The following TPH2 variants were observed in gnomAD, a reference collection of about 807,000 sequenced individuals.
TPH2 encodes tryptophan hydroxylase 2, also known as tryptophan 5-hydroxylase 2.
In TPH2, 27 loss-of-function variants were observed where a neutral mutation model predicts 59.1. That is an observed-to-expected ratio of 0.46 (90% CI 0.34 to 0.63). The LOEUF is 0.63. Ranked by LOEUF, TPH2 falls within the 30% of genes least tolerant of loss-of-function variation. The pLI, the probability that TPH2 is intolerant of heterozygous loss-of-function variation, is 0.01. For missense variants in TPH2, 523 were observed against 588.3 expected, an observed-to-expected ratio of 0.89 and a Z score of 1.15; for synonymous variants, 220 against 210.5, an observed-to-expected ratio of 1.05 and a Z score of -0.39.
chr12:71,999,720 C>T (rs1260104356), intron 8 of TPH2, among the ~76,000 whole-genome samples: 3 of 152,158 alleles, frequency 2.0e-5, no homozygotes, highest in Non-Finnish European at 4.4e-5. Context: ...TGCTAAAGGG[C>T]TTCAAATTCC....
At chr12:72,026,956 G>T (rs886285412) in intron 9 of TPH2, among the ~76,000 whole-genome samples, 2 of 152,004 alleles carry the variant, frequency 1.3e-5, no homozygotes, top group African/African-American at 4.8e-5. Context: ...TTGTTCTTTT[G>T]ATGTGGAAAA....
intron 7 of TPH2, among the ~76,000 whole-genome samples, chr12:71,986,353 AC>A (rs1228298354): frequency 6.6e-6 from 1 of 152,094 alleles, no homozygotes; most frequent in Non-Finnish European, 1.5e-5. Flanking sequence ...ACGTTCCTAG[AC>A]CTGGACTCCC....
chr12:72,016,605 T>C (rs1873261620), intron 8 of TPH2, among the ~76,000 whole-genome samples: 1 of 152,144 alleles, frequency 6.6e-6, no homozygotes, highest in Admixed American at 6.6e-5. Flanking sequence ...CTTTGATAAC[T>C]TCTTGCTTCC....
intron 1 of TPH2, among the ~76,000 whole-genome samples, chr12:71,940,403 G>A (rs1292859211): frequency 6.6e-6 from 1 of 152,054 alleles, no homozygotes; most frequent in Non-Finnish European, 1.5e-5. Flanking sequence ...AGTGAGTAAG[G>A]CAATACTGAT....
At chr12:71,952,946 C>A (rs1458619516) in intron 5 of TPH2, among the ~76,000 whole-genome samples, 1 of 152,188 alleles carries the variant, frequency 6.6e-6, no homozygotes, top group Non-Finnish European at 1.5e-5. Flanking sequence ...TCTTCCATTT[C>A]CAGTGGACCT....
intron 5 of TPH2, among the ~76,000 whole-genome samples, chr12:71,963,333 A>G (rs1341253663): frequency 2.1e-5 from 1 of 47,582 alleles, no homozygotes; most frequent in African/African-American, 5.9e-5. Flanking sequence ...GTTAAACCTT[A>G]ATTAGAATTC....
At chr12:72,011,333 C>T (rs1873094120) in intron 8 of TPH2, among the ~76,000 whole-genome samples, 1 of 152,174 alleles carries the variant, frequency 6.6e-6, no homozygotes, top group East Asian at 1.9e-4. Flanking sequence ...TAAAATATGC[C>T]TGTTTGTATT....
At chr12:72,017,843 C>T (rs372963053) in intron 8 of TPH2, among the ~76,000 whole-genome samples, 4 of 152,138 alleles carry the variant, frequency 2.6e-5, no homozygotes, top group East Asian at 3.9e-4. Flanking sequence ...TCGAGTGCAA[C>T]TCTAAGTAGG....
intron 8 of TPH2, among the ~76,000 whole-genome samples, chr12:72,012,724 C>A (rs949669526): frequency 1.3e-5 from 2 of 152,098 alleles, no homozygotes; most frequent in African/African-American, 2.4e-5. Context: ...TTGGGTGGCA[C>A]CAATGTCAGA....
intron 8 of TPH2, among the ~76,000 whole-genome samples, chr12:72,003,451 T>A (rs1433892802): frequency 6.6e-6 from 1 of 152,232 alleles, no homozygotes; most frequent in Non-Finnish European, 1.5e-5. Flanking sequence ...GCTGTACATA[T>A]AGAAGAGTAG....
rs770881048 is a variant in TPH2 at position 71,972,606 on chromosome 12, C to T, written c.696C>T (p.Pro232=). The change falls in exon 6 of 11, where the codon CCC becomes CCT. Residue 232 remains proline (P), a synonymous_variant. Transcript: ENST00000333850. ...TCCGGGAGCTCTCCAAACTCTATCC[C>T]ACTCATGCTTGCCGAGAGTATTTGA... ...VVFRELSKLY[P]THACREYLKN... is the part of the protein sequence containing the mutation. The T allele has an allele frequency of 1.2e-6, 2 of 1,614,106 alleles. No individual in the cohort carries two copies. The highest frequency in any genetic ancestry group is 1.7e-6 in the Non-Finnish European group (2 of 1,180,002).
At chr12:71,985,487 C>T (rs897994286) in intron 7 of TPH2, among the ~76,000 whole-genome samples, 7 of 152,106 alleles carry the variant, frequency 4.6e-5, no homozygotes, top group African/African-American at 1.7e-4. Flanking sequence ...TAACCTCCGC[C>T]TCCTGGGTTC....
chr12:71,953,648 C>T (rs889959076), intron 5 of TPH2, among the ~76,000 whole-genome samples: 10 of 152,160 alleles, frequency 6.6e-5, no homozygotes, highest in African/African-American at 2.2e-4. Context: ...AAGTGTGCAA[C>T]AACCTGATTT....
chr12:72,004,297 ATTC>A (rs1368927535), intron 8 of TPH2, among the ~76,000 whole-genome samples: 1 of 150,624 alleles, frequency 6.6e-6, no homozygotes, highest in Non-Finnish European at 1.5e-5. Flanking sequence ...AATTGAAGAT[ATTC>A]TTCTACTGCC....
chr12:72,014,352 T>G (rs1873180152), intron 8 of TPH2, among the ~76,000 whole-genome samples: 1 of 152,044 alleles, frequency 6.6e-6, no homozygotes, highest in Non-Finnish European at 1.5e-5. Context: ...TATTTTCTGC[T>G]ATCTCTTGAA....
chr12:72,027,056 G>GT (rs534324470), intron 9 of TPH2, among the ~76,000 whole-genome samples: 2,936 of 145,704 alleles, frequency 0.02, 45 homozygotes, highest in Middle Eastern at 0.05. Context: ...TCACACTTGA[G>GT]TTTTTTTTTT....
rs137948542 is a variant in TPH2 at position 72,002,538 on chromosome 12, G to A, written c.1068+7973G>A. 8.3e-4 allele frequency among the ~76,000 whole-genome samples: 126 copies of A among 152,322 alleles called. 4 individuals carry two copies. In the East Asian group the frequency reaches 0.014, roughly 17 times the overall value. ...ATTTAGATACTGATTGCTATGGAGT[G>A]CACTTGACAAGTAATACAAATCTTA... On this transcript the variant is annotated intron_variant, in intron 8 of 10. Transcript: ENST00000333850.
intron 6 of TPH2, among the ~76,000 whole-genome samples, chr12:71,977,412 A>G (rs532581337): frequency 2.8e-4 from 43 of 152,194 alleles, no homozygotes; most frequent in African/African-American, 1.0e-3. Context: ...CATATTACAT[A>G]AGGGAAATTT....
At chr12:72,017,486 A>G (rs567808597) in intron 8 of TPH2, among the ~76,000 whole-genome samples, 16 of 152,320 alleles carry the variant, frequency 1.1e-4, no homozygotes, top group African/African-American at 3.6e-4. Context: ...AAATAATTAC[A>G]TGTCATTAAT....
Sources: gnomAD v4.1 joint callset for allele counts (sites outside exome capture counted in the v4.1 genomes callset) on GRCh38, gnomAD v4.1.1 for gene constraint, MANE v1.5 for transcripts, NCBI Gene and HGNC (gene_info 2026-07-23, HGNC 2026-07-21) for gene names.